ZDHHC15: variants seen among roughly 807,000 people sequenced by gnomAD.
ZDHHC15 encodes palmitoyltransferase ZDHHC15.
Under a neutral mutation model 31.7 loss-of-function variants are expected in ZDHHC15, and 19 were observed. That is an observed-to-expected ratio of 0.60 (90% CI 0.42 to 0.88). The LOEUF (loss-of-function observed/expected upper bound fraction) is 0.88. Among genes scored for constraint, ZDHHC15 ranks in the 40% least tolerant of loss-of-function variants. ZDHHC15 has a pLI of 0.00. For missense variants in ZDHHC15, 209 were observed against 251.2 expected, an observed-to-expected ratio of 0.83 and a Z score of 1.14; for synonymous variants, 103 against 90.0, an observed-to-expected ratio of 1.14 and a Z score of -0.82.
chrX:75,513,987 T>C (rs758014432), intron 1 of ZDHHC15, among the ~76,000 whole-genome samples: 1 of 112,534 alleles, frequency 8.9e-6, no homozygotes. Context: ...AAAACATCTG[T>C]CAACACATAT....
chrX:75,476,025 G>A (rs780634453), intron 3 of ZDHHC15, among the ~76,000 whole-genome samples: 96 of 110,862 alleles, frequency 8.7e-4, no homozygotes, highest in African/African-American at 2.2e-3. Context: ...CATTGTTAGT[G>A]TATCAAAACA....
intron 10 of ZDHHC15, among the ~76,000 whole-genome samples, chrX:75,396,693 T>C (rs984731244): frequency 3.6e-5 from 4 of 111,965 alleles, no homozygotes; most frequent in African/African-American, 1.3e-4. Flanking sequence ...TGCATTCCTA[T>C]GTTTATTGGA....
chrX:75,506,276 T>C (rs2085161678), intron 1 of ZDHHC15, among the ~76,000 whole-genome samples: 1 of 111,845 alleles, frequency 8.9e-6, no homozygotes, highest in Admixed American at 9.6e-5. Flanking sequence ...ACATGTGCCA[T>C]GTTGGTAAAC....
intron 3 of ZDHHC15, among the ~76,000 whole-genome samples, chrX:75,473,204 C>T (rs1349641820): frequency 8.9e-6 from 1 of 111,918 alleles, no homozygotes; most frequent in Non-Finnish European, 1.9e-5. Context: ...AGTGGAATAG[C>T]CTTTTGAAAT....
intron 3 of ZDHHC15, among the ~76,000 whole-genome samples, chrX:75,467,084 A>C (rs1236781923): frequency 8.9e-6 from 1 of 112,556 alleles, no homozygotes; most frequent in Non-Finnish European, 1.9e-5. Context: ...AAAGTCAATA[A>C]ATTGATATTA....
chrX:75,494,076 T>A (rs1456811090), intron 2 of ZDHHC15, among the ~76,000 whole-genome samples: 1 of 111,669 alleles, frequency 9.0e-6, no homozygotes, highest in Non-Finnish European at 1.9e-5. Context: ...ATAGGCAACT[T>A]CAGCAAAGTC....
At chrX:75,457,547 G>C (rs1386935169) in intron 3 of ZDHHC15, among the ~76,000 whole-genome samples, 1 of 109,477 alleles carries the variant, frequency 9.1e-6, no homozygotes, top group Non-Finnish European at 1.9e-5. Context: ...ATATATGCCT[G>C]TCTTATGACC....
At position 75,380,857 on chromosome X, in the gene ZDHHC15, G is replaced by A. The variant is rs144219780; in HGVS notation, c.968-1659C>T. Among the ~76,000 whole-genome samples, 568 of 111,397 alleles carry A rather than the reference G, an allele frequency of 5.1e-3. 3 individuals carry two copies. The highest frequency in any genetic ancestry group is 8.2e-3 in the Non-Finnish European group (433 of 53,012). On this transcript the variant is annotated intron_variant, in intron 10 of 11. Transcript: ENST00000373367. ...AATGATGTTATTTTAGTCTTAGTGTGTGCTGGTTAAGCTCTGGCTCTCTTC... is the reference window on the plus strand; with the variant it reads ...AATGATGTTATTTTAGTCTTAGTGTATGCTGGTTAAGCTCTGGCTCTCTTC...
At position 75,405,230 on chromosome X, in the gene ZDHHC15, G is replaced by C. The variant is rs979766048; in HGVS notation, c.967+11857C>G. On this transcript the variant is annotated intron_variant, in intron 10 of 11. Transcript: ENST00000373367. ...AAACAGACACTGGTGTCTACTTGAG[G>C]GCAGGGGGTGAGAGGAGGAAGAGGA... is the stretch of plus-strand genomic sequence containing the variant. Among the ~76,000 whole-genome samples, 4 of 111,046 alleles carry C rather than the reference G, an allele frequency of 3.6e-5. No homozygotes were observed. The Admixed American group carries it at 3.8e-4, about 11-fold the overall frequency.
At chrX:75,514,292 T>C (rs1186320750) in intron 1 of ZDHHC15, among the ~76,000 whole-genome samples, 1 of 112,538 alleles carries the variant, frequency 8.9e-6, no homozygotes, top group African/African-American at 3.2e-5. Flanking sequence ...AAAACAACAA[T>C]GATAAATCTA....
intron 4 of ZDHHC15, among the ~76,000 whole-genome samples, chrX:75,434,716 A>G (rs1307184893): frequency 8.9e-6 from 1 of 112,154 alleles, no homozygotes; most frequent in Admixed American, 9.5e-5. Flanking sequence ...TTATACCTGT[A>G]CCATGCTGCT....
At chrX:75,415,594 G>A (rs1347238283) in intron 10 of ZDHHC15, among the ~76,000 whole-genome samples, 1 of 112,131 alleles carries the variant, frequency 8.9e-6, no homozygotes, top group African/African-American at 3.2e-5. Context: ...ACCTTGACAT[G>A]TGAGATTAAC....
intron 7 of ZDHHC15, among the ~76,000 whole-genome samples, chrX:75,425,483 C>G (rs1451975816): frequency 8.9e-6 from 1 of 112,065 alleles, no homozygotes; most frequent in Non-Finnish European, 1.9e-5. Flanking sequence ...GTGGCACCAG[C>G]CTTTTTTTCC....
At chrX:75,446,457 A>C (rs905838445) in intron 4 of ZDHHC15, among the ~76,000 whole-genome samples, 2 of 112,112 alleles carry the variant, frequency 1.8e-5, no homozygotes, top group African/African-American at 6.5e-5. Flanking sequence ...TGTGAGAAAT[A>C]CATTTGTAAA....
At chrX:75,433,298 T>C (rs1317225564) in intron 4 of ZDHHC15, among the ~76,000 whole-genome samples, 2 of 110,839 alleles carry the variant, frequency 1.8e-5, no homozygotes, top group Non-Finnish European at 3.8e-5. Flanking sequence ...TTTATTTCAA[T>C]AGGTTTTTGG....
At chrX:75,472,803 C>T (rs1302624160) in intron 3 of ZDHHC15, among the ~76,000 whole-genome samples, 1 of 112,010 alleles carries the variant, frequency 8.9e-6, no homozygotes, top group African/African-American at 3.3e-5. Flanking sequence ...TCACCACGGT[C>T]GACCTGGCTA....
chrX:75,518,870 A>C (rs1332311167), intron 1 of ZDHHC15, among the ~76,000 whole-genome samples: 1 of 99,428 alleles, frequency 1.0e-5, no homozygotes, highest in Non-Finnish European at 2.0e-5. Flanking sequence ...TCAGCCATTA[A>C]AAGGGATAAA....
chrX:75,516,002 A>G (rs2085350439), intron 1 of ZDHHC15, among the ~76,000 whole-genome samples: 1 of 111,486 alleles, frequency 9.0e-6, no homozygotes, highest in African/African-American at 3.3e-5. Flanking sequence ...AAAGAGAATA[A>G]AATACCTAGG....
At chrX:75,469,602 G>T (rs1274187059) in intron 3 of ZDHHC15, among the ~76,000 whole-genome samples, 1 of 111,832 alleles carries the variant, frequency 8.9e-6, no homozygotes, top group Non-Finnish European at 1.9e-5. Flanking sequence ...ATATTCCATT[G>T]TATGTATATA....
Sources: gnomAD v4.1 joint callset for allele counts (sites outside exome capture counted in the v4.1 genomes callset) on GRCh38, gnomAD v4.1.1 for gene constraint, MANE v1.5 for transcripts, NCBI Gene and HGNC (gene_info 2026-07-23, HGNC 2026-07-21) for gene names.